The following PRKCA variants were observed in gnomAD, a reference collection of about 807,000 sequenced individuals.
The protein encoded by PRKCA is protein kinase C alpha, also known as protein kinase C alpha type.
In PRKCA, 27 loss-of-function variants were observed where a neutral mutation model predicts 87.0. The ratio of observed to expected loss-of-function variants is 0.31; its 90% CI spans 0.23 to 0.43. The LOEUF is 0.43. PRKCA is among the 20% of genes least tolerant of loss of function. The pLI is 1.00. For missense variants in PRKCA, 518 were observed against 852.3 expected (o/e 0.61, Z 4.88); for synonymous variants, 329 against 311.1 (o/e 1.06, Z -0.61).
intron 2 of PRKCA, among the ~76,000 whole-genome samples, chr17:66,489,968 A>T (rs1055444219): frequency 6.5e-4 from 99 of 151,782 alleles, no homozygotes; most frequent in African/African-American, 2.3e-3. Context: ...TTTAGTAGAG[A>T]CAGGGTTTCA....
intron 2 of PRKCA, among the ~76,000 whole-genome samples, chr17:66,392,589 A>G (rs955049087): frequency 6.6e-6 from 1 of 152,012 alleles, no homozygotes; most frequent in African/African-American, 2.4e-5. Flanking sequence ...TTTTGCTTGC[A>G]TTTACTAGTA....
intron 5 of PRKCA, among the ~76,000 whole-genome samples, chr17:66,650,711 T>C (rs1346247750): frequency 1.3e-5 from 2 of 152,144 alleles, no homozygotes; most frequent in Non-Finnish European, 2.9e-5. Context: ...CTGCGCGATT[T>C]GATGTCTGTC....
In PRKCA at chr17:66,733,174, C is replaced by T. The variant is rs544165486; in HGVS notation, c.1056+349C>T. ...AAAAAAAAAAAAAAAAAAAGATTTC[C>T]CTGTGATTTGTACAGTCATCCAGAA... On this transcript the variant is annotated intron_variant, in intron 9 of 16. Transcript: ENST00000413366. Among the ~76,000 whole-genome samples the T allele has an allele frequency of 3.6e-4, 54 of 151,882 alleles. 1 individual carries two copies. The highest frequency in any genetic ancestry group is 6.3e-4 in the South Asian group (3 of 4,790).
intron 3 of PRKCA, among the ~76,000 whole-genome samples, chr17:66,577,137 T>A (rs1256059347): frequency 6.6e-6 from 1 of 152,192 alleles, no homozygotes; most frequent in Non-Finnish European, 1.5e-5. Context: ...CTCAGAGTGC[T>A]GGGATTACAG....
chr17:66,714,027 GT>G lies in PRKCA; in HGVS notation c.919-18660del, dbSNP rs1567991361. ...AGATACCCTTAGGGTCACAATAATT[GT>G]ATTAATTTAGACTCCCTGGCTCTCT... On this transcript the variant is annotated intron_variant, in intron 8 of 16. Transcript: ENST00000413366. Among the ~76,000 whole-genome samples the G allele has an allele frequency of 1.2e-4, 18 of 152,114 alleles. 1 individual carries two copies.
intron 3 of PRKCA, among the ~76,000 whole-genome samples, chr17:66,550,563 G>A (rs539488847): frequency 6.6e-6 from 1 of 152,180 alleles, no homozygotes; most frequent in Admixed American, 6.5e-5. Flanking sequence ...GCAGGAGAAT[G>A]GCTTGAACCC....
chr17:66,743,356 A>G (rs1974199295), intron 13 of PRKCA, among the ~76,000 whole-genome samples: 1 of 152,108 alleles, frequency 6.6e-6, no homozygotes, highest in Non-Finnish European at 1.5e-5. Flanking sequence ...GAGTGGAGGG[A>G]ATTACTTGTG....
chr17:66,589,085 G>T (rs1305848797), intron 3 of PRKCA, among the ~76,000 whole-genome samples: 1 of 152,092 alleles, frequency 6.6e-6, no homozygotes, highest in African/African-American at 2.4e-5. Flanking sequence ...AGATGAACGT[G>T]AAGTCTGCCC....
intron 3 of PRKCA, among the ~76,000 whole-genome samples, chr17:66,514,512 G>C (rs1490164220): frequency 6.6e-6 from 1 of 152,134 alleles, no homozygotes; most frequent in Non-Finnish European, 1.5e-5. Context: ...AACTGAATAG[G>C]AGGCTCGCTC....
chr17:66,638,140 G>A (rs1419067347), intron 3 of PRKCA: 1 of 144,910 alleles, frequency 6.9e-6, no homozygotes, highest in African/African-American at 2.6e-5. Context: ...GTGTGTGTGT[G>A]TGTATATATA....
At chr17:66,420,190 T>C (rs1032117426) in intron 2 of PRKCA, among the ~76,000 whole-genome samples, 4 of 152,012 alleles carry the variant, frequency 2.6e-5, no homozygotes, top group Non-Finnish European at 5.9e-5. Context: ...TTTGTATTTT[T>C]AGTAGAGACG....
At chr17:66,308,002 C>T (rs182913297) in intron 2 of PRKCA, among the ~76,000 whole-genome samples, 35 of 152,250 alleles carry the variant, frequency 2.3e-4, no homozygotes, top group African/African-American at 8.2e-4. Context: ...GATATTCTTC[C>T]ACATCAAAGC....
chr17:66,569,569 CA>C (rs576422068), intron 3 of PRKCA, among the ~76,000 whole-genome samples: 2 of 147,896 alleles, frequency 1.4e-5, no homozygotes, highest in East Asian at 2.0e-4. Context: ...AACTCCATCT[CA>C]AAAAAAAAGA....
Position 66,587,845 on chromosome 17 carries a change from C to A in PRKCA, c.289-53510C>A, listed in dbSNP as rs1190440253. Among the ~76,000 whole-genome samples, 6 of 99,414 alleles carry A rather than the reference C, an allele frequency of 6.0e-5. 1 individual carries two copies. The highest frequency in any genetic ancestry group is 2.6e-4 in the East Asian group (1 of 3,852). The allele number at this position is 99,414 out of a possible 152,430, so 65.2% of individuals were successfully genotyped here. ...TACATATATACGTATATGTGTGTAT[C>A]TACATATACATATATACATATGTAT... On this transcript the variant is annotated intron_variant, in intron 3 of 16. Coordinates refer to ENST00000413366, the MANE Select transcript of PRKCA (RefSeq NM_002737.3).
chr17:66,777,295 T>C (rs1696730333), intron 14 of PRKCA: 1 of 985,042 alleles, frequency 1.0e-6, no homozygotes, highest in Non-Finnish European at 1.2e-6. Flanking sequence ...TCATTATATT[T>C]CCTAAATACT....
At chr17:66,486,961 A>G (rs951414318) in intron 2 of PRKCA, among the ~76,000 whole-genome samples, 1 of 152,206 alleles carries the variant, frequency 6.6e-6, no homozygotes, top group African/African-American at 2.4e-5. Context: ...ACTATTATGT[A>G]TCTACATACA....
chr17:66,793,026 G>T (rs1404476460), intron 16 of PRKCA, among the ~76,000 whole-genome samples: 1 of 152,206 alleles, frequency 6.6e-6, no homozygotes, highest in Non-Finnish European at 1.5e-5. Flanking sequence ...GGATCATTTT[G>T]TAAAAACAAA....
chr17:66,554,667 T>A, intron 3 of PRKCA: 1 of 481,412 alleles, frequency 2.1e-6, no homozygotes, highest in African/African-American at 2.1e-5. Context: ...GTGAAGGGAG[T>A]TTGGTTATGA....
chr17:66,428,492 A>C (rs1912930981), intron 2 of PRKCA, among the ~76,000 whole-genome samples: 1 of 152,016 alleles, frequency 6.6e-6, no homozygotes, highest in South Asian at 2.1e-4. Flanking sequence ...AGTTAAGCTG[A>C]AAAATTTTTC....
Sources: gnomAD v4.1 joint callset for allele counts (sites outside exome capture counted in the v4.1 genomes callset) on GRCh38, gnomAD v4.1.1 for gene constraint, MANE v1.5 for transcripts, NCBI Gene and HGNC (gene_info 2026-07-23, HGNC 2026-07-21) for gene names.